The following WWP2 variants were observed in gnomAD, a reference collection of about 807,000 sequenced individuals.
WWP2 encodes WW domain containing E3 ubiquitin protein ligase 2.
Under a neutral mutation model 121.0 loss-of-function variants are expected in WWP2, and 57 were observed. The ratio of observed to expected loss-of-function variants is 0.47; its 90% CI spans 0.38 to 0.59. The LOEUF (loss-of-function observed/expected upper bound fraction) is 0.59. WWP2 is among the 20% of genes least tolerant of loss of function. The pLI is 0.00. For synonymous variants in WWP2, 449 were observed against 441.3 expected, an observed-to-expected ratio of 1.02 and a Z score of -0.22; for missense variants, 962 against 1,158.9, an observed-to-expected ratio of 0.83 and a Z score of 2.47.
intron 1 of WWP2, among the ~76,000 whole-genome samples, chr16:69,766,077 C>T (rs2038722414): frequency 6.6e-6 from 1 of 152,100 alleles, no homozygotes; most frequent in Non-Finnish European, 1.5e-5. Flanking sequence ...CACGTGGATT[C>T]CTATCAGGCA....
At chr16:69,894,235 C>G (rs1194894453) in intron 8 of WWP2, among the ~76,000 whole-genome samples, 3 of 149,564 alleles carry the variant, frequency 2.0e-5, no homozygotes, top group African/African-American at 7.5e-5. Flanking sequence ...GCCACTATAC[C>G]CAGGCTATTT....
intron 10 of WWP2, among the ~76,000 whole-genome samples, chr16:69,920,998 G>A (rs2058554275): frequency 6.6e-6 from 1 of 152,090 alleles, no homozygotes; most frequent in Non-Finnish European, 1.5e-5. Flanking sequence ...GTAGAACTTT[G>A]ACTTGGAGGG....
intron 1 of WWP2, among the ~76,000 whole-genome samples, chr16:69,779,101 C>A (rs2055606927): frequency 6.6e-6 from 1 of 151,950 alleles, no homozygotes; most frequent in Non-Finnish European, 1.5e-5. Flanking sequence ...AGGTGCCCGC[C>A]ACCACACCCG....
At chr16:69,891,122 T>C (rs892423789) in intron 8 of WWP2, among the ~76,000 whole-genome samples, 1 of 152,144 alleles carries the variant, frequency 6.6e-6, no homozygotes, top group Non-Finnish European at 1.5e-5. Context: ...CTAGCACTGC[T>C]GAGTGTCTAA....
chr16:69,802,095 A>G (rs1290292375), intron 4 of WWP2, among the ~76,000 whole-genome samples: 2 of 151,650 alleles, frequency 1.3e-5, no homozygotes, highest in Admixed American at 1.3e-4. Flanking sequence ...ATGCCCGGCT[A>G]ATTTTTGTAT....
intron 4 of WWP2, among the ~76,000 whole-genome samples, chr16:69,809,958 A>G (rs375232061): frequency 1.1e-4 from 17 of 152,210 alleles, no homozygotes; most frequent in South Asian, 4.1e-4. Context: ...GTGTGGAACA[A>G]TGTTTGCAGA....
Position 69,930,140 on chromosome 16 carries a change from G to A in WWP2, c.1327G>A (p.Glu443Lys). ...EDPRTQGMIQ[E>K]PALPPGWEMK... ...TTCCCGTGTTTCCAGGATGATCCAGGAACCAGCTCTGCCCCCAGGATGGGA... is the reference window on the plus strand; with the variant it reads ...TTCCCGTGTTTCCAGGATGATCCAGAAACCAGCTCTGCCCCCAGGATGGGA... The change falls in exon 13 of 24, where the codon GAA (glutamate) becomes AAA (lysine). Residue 443 changes from glutamate (E) to lysine (K), a missense_variant. Physicochemically the swap from Glu to Lys is moderately conservative, Grantham distance 56. This residue lies in a region of WWP2 where 606 missense variants were observed against 772.6 expected (regional missense o/e 0.78). Transcript: ENST00000359154. 1 of 1,614,050 alleles carries A rather than the reference G, an allele frequency of 6.2e-7. No homozygotes were observed.
rs971423780 is a variant in WWP2 at position 69,935,780 on chromosome 16, C to A, written c.1843-73C>A. ...GGGTAGCGGTAGCAGAGTTTGATACCGAGCATCTGAGAGCTGGTCTTGGCA... is the reference window on the plus strand; with the variant it reads ...GGGTAGCGGTAGCAGAGTTTGATACAGAGCATCTGAGAGCTGGTCTTGGCA... On this transcript the variant is annotated intron_variant, in intron 17 of 23. Transcript: ENST00000359154. The surrounding 1 kb of genome is among the most constrained non-coding windows in gnomAD (Gnocchi z 5.2). 6.5e-7 allele frequency: 1 copy of A among 1,537,948 alleles called. No individual in the cohort carries two copies.
intron 8 of WWP2, among the ~76,000 whole-genome samples, chr16:69,901,339 T>G (rs1415735396): frequency 6.6e-6 from 1 of 152,220 alleles, no homozygotes; most frequent in Non-Finnish European, 1.5e-5. Flanking sequence ...CAGTGTATTC[T>G]TCTTAAGTTT....
At chr16:69,885,299 T>C (rs2057905580) in intron 7 of WWP2, among the ~76,000 whole-genome samples, 2 of 152,212 alleles carry the variant, frequency 1.3e-5, no homozygotes, top group Admixed American at 6.5e-5. Context: ...ATCTGTTGTG[T>C]TTTACTGGCT....
At chr16:69,803,287 C>T (rs2056209106) in intron 4 of WWP2, among the ~76,000 whole-genome samples, 1 of 151,908 alleles carries the variant, frequency 6.6e-6, no homozygotes, top group Non-Finnish European at 1.5e-5. Flanking sequence ...CTTCAGCATG[C>T]ATCTTGTTAA....
At position 69,912,795 on chromosome 16, in the gene WWP2, A is replaced by T. The variant is rs192125778; in HGVS notation, c.1004+3945A>T. On this transcript the variant is annotated intron_variant, in intron 9 of 23. Transcript: ENST00000359154. ...CACGGTGGCTCACACCTGTAATAGT[A>T]GAACTTCCAGAGGCCAAGGCAGGAG... is the stretch of plus-strand genomic sequence containing the variant. Among the ~76,000 whole-genome samples the T allele has an allele frequency of 5.9e-4, 89 of 150,260 alleles. 2 individuals carry two copies. The highest frequency in any genetic ancestry group is 1.8e-3 in the African/African-American group (72 of 41,074).
In WWP2 at chr16:69,888,308, C is replaced by T. The variant is rs768227840; in HGVS notation, c.914+59C>T. On this transcript the variant is annotated intron_variant, in intron 8 of 23. Transcript: ENST00000359154. Reference sequence around the variant, plus strand: ...CTCCTCAAAGACTGAGGCTCCTTTACGGGGGTGGAAACAACGTGGTTATTT... The same window carrying T: ...CTCCTCAAAGACTGAGGCTCCTTTATGGGGGTGGAAACAACGTGGTTATTT... 42 of 1,546,256 alleles carry T rather than the reference C, an allele frequency of 2.7e-5. No individual in the cohort carries two copies. The Middle Eastern group carries it at 8.6e-4, about 32-fold the overall frequency.
chr16:69,931,398 C>CT, intron 14 of WWP2, 111 bp from the exon 15 acceptor site: 1 of 1,500,294 alleles, frequency 6.7e-7, no homozygotes, highest in East Asian at 2.3e-5. Context: ...TCCTAGGGCA[C>CT]ATGCTATTGC....
chr16:69,835,461 C>A (rs1226649560), intron 4 of WWP2, among the ~76,000 whole-genome samples: 1 of 151,990 alleles, frequency 6.6e-6, no homozygotes, highest in Non-Finnish European at 1.5e-5. Flanking sequence ...ATAACCTTGC[C>A]AATTTAAAAA....
intron 10 of WWP2, among the ~76,000 whole-genome samples, chr16:69,924,680 C>T (rs981127014): frequency 6.6e-6 from 1 of 151,390 alleles, no homozygotes; most frequent in Admixed American, 6.6e-5. Flanking sequence ...TCTTGCTGCC[C>T]CACCCCCAGC....
intron 9 of WWP2, among the ~76,000 whole-genome samples, chr16:69,912,994 A>T (rs56057074): frequency 1.3e-3 from 5 of 3,934 alleles, no homozygotes; most frequent in Non-Finnish European, 1.7e-3. Context: ...ATATATATAT[A>T]TTTTTTTTTT....
At chr16:69,939,001 CTG>C (rs1156426742) in intron 21 of WWP2, 24 bp from the exon 22 acceptor site, 3 of 1,582,548 alleles carry the variant, frequency 1.9e-6, no homozygotes, top group Non-Finnish European at 2.6e-6. Flanking sequence ...GGTTGCCTGA[CTG>C]TGCCTTGACT....
At chr16:69,926,845 C>T (rs146555111) in intron 11 of WWP2, among the ~76,000 whole-genome samples, 5 of 152,256 alleles carry the variant, frequency 3.3e-5, no homozygotes, top group African/African-American at 7.2e-5. Flanking sequence ...GGGGAAAATG[C>T]GTCAGATTAA....
Sources: gnomAD v4.1 joint callset for allele counts (sites outside exome capture counted in the v4.1 genomes callset) on GRCh38, gnomAD v4.1.1 for gene constraint, gnomAD v4.1.1 regional missense constraint, Gnocchi (gnomAD v3.1) non-coding constraint, MANE v1.5 for transcripts, NCBI Gene and HGNC (gene_info 2026-07-23, HGNC 2026-07-21) for gene names.